NBAS: variants seen among roughly 807,000 people sequenced by gnomAD.
The protein encoded by NBAS is NAG/BC035112 fusion.
In NBAS, 219 loss-of-function variants were observed where a neutral mutation model predicts 302.5. That is an observed-to-expected ratio of 0.72 (90% CI 0.65 to 0.81). The LOEUF is 0.81. Among genes scored for constraint, NBAS ranks in the 30% least tolerant of loss-of-function variants. The pLI is 0.00. For synonymous variants in NBAS, 1,118 were observed against 1,021.6 expected (o/e 1.09, Z -1.80); for missense variants, 2,932 against 2,841.6 (o/e 1.03, Z -0.72).
At chr2:14,900,935 T>C in the NBAS span, among the ~76,000 whole-genome samples, 1 of 152,330 alleles carries the variant, frequency 6.6e-6, no homozygotes, top group Admixed American at 6.5e-5. Context: ...TGAATATCTA[T>C]GCCAAGTTTG....
In NBAS at chr2:15,461,181, C is replaced by T; in HGVS notation, c.2339+20G>A. The T allele has an allele frequency of 6.2e-7, 1 of 1,608,162 alleles. No individual in the cohort carries two copies. Among genetic ancestry groups the T allele is most frequent in the Non-Finnish European group, 8.5e-7 (1 of 1,175,082 alleles). On this transcript the variant is annotated intron_variant, in intron 21 of 51. Transcript: ENST00000281513. ...TCAATATAAAAAAGAAGGTAAAATT[C>T]TGTTAACATAGTCACATACCAAGCT... is the stretch of plus-strand genomic sequence containing the variant.
chr2:14,815,834 A>G, the NBAS span, among the ~76,000 whole-genome samples: 3 of 152,314 alleles, frequency 2.0e-5, no homozygotes, highest in African/African-American at 4.8e-5. Flanking sequence ...TAGTACCTGT[A>G]CAGCAACATA....
At chr2:15,303,943 T>C (rs1670919920) in intron 40 of NBAS, among the ~76,000 whole-genome samples, 1 of 152,164 alleles carries the variant, frequency 6.6e-6, no homozygotes, top group Non-Finnish European at 1.5e-5. Flanking sequence ...CATATGGATT[T>C]AGAGCAAGCA....
intron 44 of NBAS, among the ~76,000 whole-genome samples, chr2:15,264,444 G>A (rs369949867): frequency 7.2e-5 from 11 of 152,188 alleles, no homozygotes; most frequent in African/African-American, 2.4e-4. Flanking sequence ...ATTGTACTGC[G>A]TACATGGTCC....
chr2:15,034,279 AGAAAG>A, the NBAS span, among the ~76,000 whole-genome samples: 1 of 97,956 alleles, frequency 1.0e-5, no homozygotes, highest in South Asian at 3.3e-4. Flanking sequence ...AAAGAAAGAG[AGAAAG>A]AAAGAAAGAA....
chr2:14,826,952 A>C, the NBAS span, among the ~76,000 whole-genome samples: 1 of 152,206 alleles, frequency 6.6e-6, no homozygotes. Flanking sequence ...AATCCCCTTA[A>C]AAACAAGCCT....
At position 15,532,600 on chromosome 2, in the gene NBAS, T is replaced by G. The variant is rs568852133; in HGVS notation, c.746+1943A>C. Among the ~76,000 whole-genome samples the G allele has an allele frequency of 7.3e-5, 11 of 150,808 alleles. 1 individual carries two copies. The South Asian group carries it at 1.5e-3, about 20-fold the overall frequency. ...CATACTCGTGGTAGAGTAAGAAAACTAAATATCCATCTTCCACAAAGGGAA... is the reference window on the plus strand; with the variant it reads ...CATACTCGTGGTAGAGTAAGAAAACGAAATATCCATCTTCCACAAAGGGAA... On this transcript the variant is annotated intron_variant, in intron 9 of 51. Transcript: ENST00000281513.
chr2:15,386,418 T>C (rs562320448), intron 28 of NBAS, among the ~76,000 whole-genome samples: 3 of 152,342 alleles, frequency 2.0e-5, no homozygotes, highest in Non-Finnish European at 4.4e-5. Context: ...TCCTAAAATT[T>C]AGGTAAACAA....
the NBAS span, among the ~76,000 whole-genome samples, chr2:15,140,916 T>C: frequency 6.6e-6 from 1 of 152,240 alleles, no homozygotes; most frequent in African/African-American, 2.4e-5. Flanking sequence ...GAGACTTACC[T>C]GCAAGCCAGG....
At chr2:15,156,984 T>TCA in the NBAS span, among the ~76,000 whole-genome samples, 1 of 151,790 alleles carries the variant, frequency 6.6e-6, no homozygotes, top group South Asian at 2.1e-4. Flanking sequence ...CACCCCCCTC[T>TCA]CACACACACA....
intron 4 of NBAS, among the ~76,000 whole-genome samples, chr2:15,553,747 TCC>T (rs1664493398): frequency 7.3e-6 from 1 of 137,544 alleles, no homozygotes; most frequent in Admixed American, 7.5e-5. Context: ...CCACTCTCTC[TCC>T]CTCTCCTTCT....
chr2:15,479,777 C>T (rs899231792), intron 12 of NBAS, among the ~76,000 whole-genome samples: 1 of 152,186 alleles, frequency 6.6e-6, no homozygotes, highest in African/African-American at 2.4e-5. Flanking sequence ...AAATAATGGG[C>T]AGCTCCTGTC....
intron 21 of NBAS, among the ~76,000 whole-genome samples, chr2:15,449,600 C>A (rs557792501): frequency 7.0e-6 from 1 of 143,284 alleles, no homozygotes; most frequent in East Asian, 2.0e-4. Context: ...CCTTTTTTTT[C>A]TTTAAATAGG....
chr2:15,141,180 T>C, the NBAS span, among the ~76,000 whole-genome samples: 4 of 151,948 alleles, frequency 2.6e-5, no homozygotes, highest in African/African-American at 9.7e-5. Flanking sequence ...CCCCTCTCTC[T>C]CCCTCCCTCC....
the NBAS span, among the ~76,000 whole-genome samples, chr2:14,818,722 A>G: frequency 5.3e-5 from 8 of 152,318 alleles, no homozygotes; most frequent in East Asian, 1.5e-3. Context: ...AAACCTCTAC[A>G]AAGCAGCTAA....
chr2:15,155,678 T>C, the NBAS span, among the ~76,000 whole-genome samples: 2 of 152,194 alleles, frequency 1.3e-5, no homozygotes, highest in Non-Finnish European at 2.9e-5. Flanking sequence ...GTGTTCCGGA[T>C]GCTGCATTTT....
chr2:14,921,810 A>G, the NBAS span, among the ~76,000 whole-genome samples: 1 of 152,356 alleles, frequency 6.6e-6, no homozygotes, highest in South Asian at 2.1e-4. Context: ...GTTCACATAC[A>G]AAATCCCAAA....
chr2:14,927,155 C>T, the NBAS span, among the ~76,000 whole-genome samples: 1 of 152,216 alleles, frequency 6.6e-6, no homozygotes, highest in Non-Finnish European at 1.5e-5. Context: ...CTTTGGACAG[C>T]AACCCTTTCC....
At chr2:14,987,818 G>T in the NBAS span, among the ~76,000 whole-genome samples, 13 of 152,112 alleles carry the variant, frequency 8.5e-5, no homozygotes, top group African/African-American at 2.4e-4. Context: ...GGGAATTTGC[G>T]TAGGGAAATA....
Sources: gnomAD v4.1 joint callset for allele counts (sites outside exome capture counted in the v4.1 genomes callset) on GRCh38, gnomAD v4.1.1 for gene constraint, MANE v1.5 for transcripts, NCBI Gene and HGNC (gene_info 2026-07-23, HGNC 2026-07-21) for gene names.